Variants in KAZN observed in about 807,000 individuals in gnomAD.
The protein encoded by KAZN is kazrin.
KAZN carries 40 observed loss-of-function variants against 87.4 expected under a neutral mutation model. The ratio of observed to expected loss-of-function variants is 0.46; its 90% CI spans 0.36 to 0.60. KAZN has a LOEUF of 0.60. Among genes scored for constraint, KAZN ranks in the 20% least tolerant of loss-of-function variants. KAZN has a pLI of 0.00. For synonymous variants in KAZN, 466 were observed against 458.3 expected (o/e 1.02, Z -0.22); for missense variants, 898 against 1,073.9 (o/e 0.84, Z 2.29).
intron 2 of KAZN, among the ~76,000 whole-genome samples, chr1:14,384,157 A>C (rs1215228955): frequency 3.3e-5 from 5 of 149,954 alleles, no homozygotes; most frequent in Non-Finnish European, 7.5e-5. Context: ...ATTTTTGTAC[A>C]TTGATTTTGT....
At chr1:14,868,063 A>C (rs112936470) in intron 1 of KAZN, among the ~76,000 whole-genome samples, 2 of 151,118 alleles carry the variant, frequency 1.3e-5, no homozygotes, top group African/African-American at 4.8e-5. Flanking sequence ...TACGCACAGC[A>C]TTGCATACAC....
chr1:14,219,784 T>C (rs551594841), intron 2 of KAZN, among the ~76,000 whole-genome samples: 1 of 152,306 alleles, frequency 6.6e-6, no homozygotes, highest in South Asian at 2.1e-4. Context: ...TTCTAAGATG[T>C]GTAATATGTG....
Position 14,745,162 on chromosome 1 carries a change from C to T in KAZN, c.226+145939C>T, listed in dbSNP as rs146730590. 2.7e-3 allele frequency among the ~76,000 whole-genome samples: 405 copies of T among 152,044 alleles called. 3 individuals are homozygous for T. Among genetic ancestry groups the T allele is most frequent in the African/African-American group, 9.1e-3 (376 of 41,438 alleles). ...GGACAGTGCCCTGCAGGCCAGCACC[C>T]AGCACCATCCCAGTGCCCTGGACCT... is the stretch of plus-strand genomic sequence containing the variant. On this transcript the variant is annotated intron_variant, in intron 1 of 14. Coordinates refer to ENST00000376030, the MANE Select transcript of KAZN (RefSeq NM_201628.3).
chr1:15,030,158 A>G (rs1387318128), intron 2 of KAZN, among the ~76,000 whole-genome samples: 1 of 152,192 alleles, frequency 6.6e-6, no homozygotes, highest in Non-Finnish European at 1.5e-5. Context: ...CCAGGATCCC[A>G]TGCGCATGTG....
chr1:14,147,379 G>C (rs1397232703), intron 1 of KAZN, among the ~76,000 whole-genome samples: 1 of 152,166 alleles, frequency 6.6e-6, no homozygotes, highest in African/African-American at 2.4e-5. Context: ...TCATTTACTA[G>C]CTTGGGTTAA....
chr1:14,699,092 C>T (rs2148800347), intron 1 of KAZN, among the ~76,000 whole-genome samples: 1 of 152,332 alleles, frequency 6.6e-6, no homozygotes, highest in East Asian at 1.9e-4. Context: ...TGGATACCTT[C>T]AACCAGAGCA....
At chr1:14,454,642 A>G (rs1250796608) in intron 2 of KAZN, among the ~76,000 whole-genome samples, 1 of 152,236 alleles carries the variant, frequency 6.6e-6, no homozygotes, top group East Asian at 1.9e-4. Context: ...GGCTGAATAC[A>G]TAAATGAATT....
intron 2 of KAZN, among the ~76,000 whole-genome samples, chr1:14,251,894 C>T (rs1650080847): frequency 6.6e-6 from 1 of 151,988 alleles, no homozygotes; most frequent in African/African-American, 2.4e-5. Flanking sequence ...AGTGATCCAC[C>T]TGCCTCGATC....
intron 1 of KAZN, among the ~76,000 whole-genome samples, chr1:14,034,111 G>A (rs777428792): frequency 6.6e-5 from 10 of 152,174 alleles, no homozygotes; most frequent in East Asian, 1.9e-4. Flanking sequence ...GTAAATCTCC[G>A]CTATGGGTAA....
At chr1:13,982,228 T>G (rs1026043426) in intron 1 of KAZN, among the ~76,000 whole-genome samples, 3 of 152,180 alleles carry the variant, frequency 2.0e-5, no homozygotes, top group Non-Finnish European at 2.9e-5. Flanking sequence ...TGCCTCACAG[T>G]GCCCACCTCA....
chr1:14,965,574 AT>A (rs1288843172), intron 2 of KAZN, among the ~76,000 whole-genome samples: 1 of 152,228 alleles, frequency 6.6e-6, no homozygotes, highest in African/African-American at 2.4e-5. Context: ...TGAAAACATA[AT>A]TTTTAATGAC....
At chr1:15,112,126 A>C in intron 13 of KAZN, 1 of 437,688 alleles carries the variant, frequency 2.3e-6, no homozygotes, top group South Asian at 2.7e-5. Flanking sequence ...CAGAAGCCTG[A>C]GTTCAGATCT....
At chr1:14,489,735 A>G (rs1669545532) in intron 2 of KAZN, among the ~76,000 whole-genome samples, 1 of 103,216 alleles carries the variant, frequency 9.7e-6, no homozygotes, top group African/African-American at 3.5e-5. Context: ...CTCTGTCTTA[A>G]AAATAATAAT....
chr1:14,287,202 T>C (rs1051020045), intron 2 of KAZN, among the ~76,000 whole-genome samples: 10 of 152,200 alleles, frequency 6.6e-5, no homozygotes. Context: ...CCGTTTTACA[T>C]TTTATGACAG....
intron 2 of KAZN, chr1:14,349,024 T>A (rs1658322225): frequency 6.6e-6 from 1 of 152,252 alleles, no homozygotes; most frequent in Admixed American, 6.5e-5. Context: ...CTTTTGGCTG[T>A]GCTGTAATGA....
chr1:14,342,869 A>G (rs1285174577), intron 2 of KAZN, among the ~76,000 whole-genome samples: 1 of 152,102 alleles, frequency 6.6e-6, no homozygotes, highest in African/African-American at 2.4e-5. Flanking sequence ...TGACAGGTGC[A>G]GTGGCTCACG....
intron 1 of KAZN, among the ~76,000 whole-genome samples, chr1:14,834,597 G>T (rs1647164555): frequency 6.6e-6 from 1 of 151,854 alleles, no homozygotes; most frequent in Admixed American, 6.6e-5. Flanking sequence ...TCCTGACCTT[G>T]TGATCCACCT....
At chr1:14,907,969 C>T (rs1293086748) in intron 1 of KAZN, among the ~76,000 whole-genome samples, 2 of 152,222 alleles carry the variant, frequency 1.3e-5, no homozygotes, top group Non-Finnish European at 2.9e-5. Flanking sequence ...ACTGGGGCTC[C>T]ATGAGATAGG....
rs576178698 is a variant in KAZN, at chr1:14,484,139, A to G, written c.250-114844A>G. 3.3e-5 allele frequency among the ~76,000 whole-genome samples: 5 copies of G among 152,314 alleles called. No individual in the cohort carries two copies. In the East Asian group the frequency reaches 9.6e-4, roughly 29 times the overall value. ...CGGTCTATGTGTCTGTTCTTATGCC[A>G]GTACGATGGTGTTTTAATTACTCTA... On this transcript the variant is annotated intron_variant, in intron 2 of 16. Transcript: ENST00000636203.
Sources: allele counts gnomAD v4.1 joint callset (sites outside exome capture counted in the v4.1 genomes callset), GRCh38; gene constraint gnomAD v4.1.1; transcripts MANE v1.5; gene names NCBI Gene and HGNC (gene_info 2026-07-23, HGNC 2026-07-21).